Variants in KLHL42 observed in about 807,000 individuals in gnomAD.
KLHL42 encodes the protein kelch like family member 42.
Under a neutral mutation model 32.7 loss-of-function variants are expected in KLHL42, and 27 were observed. That is an observed-to-expected ratio of 0.83 (90% CI 0.61 to 1.14). The LOEUF is 1.14. KLHL42 is among the 50% of genes most tolerant of loss of function. The pLI is 0.00. For missense variants in KLHL42, 491 were observed against 560.8 expected, an observed-to-expected ratio of 0.88 and a Z score of 1.26; for synonymous variants, 267 against 248.2, an observed-to-expected ratio of 1.08 and a Z score of -0.71.
chr12:27,786,719 G>GTT (rs11341444), intron 1 of KLHL42, among the ~76,000 whole-genome samples: 30,187 of 101,162 alleles, frequency 0.3, 5,536 homozygotes, highest in East Asian at 0.65. Context: ...GATTGAAAGA[G>GTT]TTTTTTTTTT....
At position 27,802,308 on chromosome 12, in the gene KLHL42, A is replaced by C. The variant is rs947933998; in HGVS notation, c.*4142A>C. On this transcript the variant is annotated 3_prime_UTR_variant, in exon 3 of 3. Coordinates refer to ENST00000381271, the MANE Select transcript of KLHL42 (RefSeq NM_020782.2). The stretch of plus-strand genomic sequence containing the variant: ...AAGGAGGAGTGAAGCTGGGGAAGTT[A>C]GTATCTAAGAGGGGCAAGCTGATTG... The C allele has an allele frequency of 1.3e-5, 2 of 152,226 alleles. No homozygotes were observed. The highest frequency in any genetic ancestry group is 4.8e-5 in the African/African-American group (2 of 41,458). The allele number at this position is 152,226 out of a possible 1,614,324, so 9.4% of individuals were successfully genotyped here. A position where few individuals can be genotyped will look rare whatever the true frequency, so the allele number is the denominator to read the frequency against.
chr12:27,781,617 A>AT (rs1309012843), intron 1 of KLHL42, among the ~76,000 whole-genome samples: 1 of 152,020 alleles, frequency 6.6e-6, no homozygotes, highest in Non-Finnish European at 1.5e-5. Context: ...ACTTTGGGGG[A>AT]TTTTTTTCTG....
intron 1 of KLHL42, among the ~76,000 whole-genome samples, chr12:27,781,813 A>G (rs2062150400): frequency 6.6e-6 from 1 of 152,184 alleles, no homozygotes; most frequent in Non-Finnish European, 1.5e-5. Context: ...GTGTTCAACT[A>G]CAGAATTGGA....
rs756714915 is a variant in KLHL42 at position 27,798,197 on chromosome 12, G to T, written c.*31G>T. 1 of 747,204 alleles carries T rather than the reference G, an allele frequency of 1.3e-6. No individual in the cohort carries two copies. The highest frequency in any genetic ancestry group is 2.5e-6 in the Non-Finnish European group (1 of 406,004). 46.3% of individuals were successfully genotyped at this position (747,204 alleles called of 1,614,324 possible). The stretch of plus-strand genomic sequence containing the variant: ...TTGAATTGGTAGATGAAAAAAACCT[G>T]GTTCAAGTTTTTTTTAAAATGTGGT... On this transcript the variant is annotated 3_prime_UTR_variant, in exon 3 of 3. Transcript: ENST00000381271.
At position 27,791,688 on chromosome 12, in the gene KLHL42, C is replaced by G. The variant is rs2062197599; in HGVS notation, c.873-20C>G. 1.9e-6 allele frequency: 3 copies of G among 1,597,138 alleles called. No individual in the cohort carries two copies. Among genetic ancestry groups the G allele is most frequent in the Non-Finnish European group, 2.6e-6 (3 of 1,164,810 alleles). On this transcript the variant is annotated intron_variant, in intron 1 of 2. Transcript: ENST00000381271. Reference sequence around the variant, plus strand: ...TGATCAGAAGAACTAACTCTGTGGGCCTTTGTGTCTCTCTTTCAGGTCTAA... The same window carrying G: ...TGATCAGAAGAACTAACTCTGTGGGGCTTTGTGTCTCTCTTTCAGGTCTAA...
Position 27,798,199 on chromosome 12 carries a change from T to A in KLHL42, c.*33T>A, listed in dbSNP as rs919726109. The A allele has an allele frequency of 4.0e-6, 3 of 744,254 alleles. No individual in the cohort carries two copies. Among genetic ancestry groups the A allele is most frequent in the African/African-American group, 3.5e-5 (2 of 57,714 alleles). 46.1% of individuals were successfully genotyped at this position (744,254 alleles called of 1,614,324 possible). On this transcript the variant is annotated 3_prime_UTR_variant, in exon 3 of 3. Coordinates refer to ENST00000381271, the MANE Select transcript of KLHL42 (RefSeq NM_020782.2). Reference sequence around the variant, plus strand: ...GAATTGGTAGATGAAAAAAACCTGGTTCAAGTTTTTTTTAAAATGTGGTGT... The same window carrying A: ...GAATTGGTAGATGAAAAAAACCTGGATCAAGTTTTTTTTAAAATGTGGTGT...
At position 27,780,258 on chromosome 12, in the gene KLHL42, G is replaced by C. The variant is rs2062139133; in HGVS notation, c.-73G>C. ...ATCCCTCGGCGCCCCGCCCGGAACC[G>C]GCGCGCGCGTAGGGGCTGGGAGGCC... On this transcript the variant is annotated 5_prime_UTR_variant, in exon 1 of 3. Transcript: ENST00000381271. The surrounding 1 kb of genome is among the most constrained non-coding windows in gnomAD (Gnocchi z 8.8). 9.5e-6 allele frequency: 13 copies of C among 1,362,996 alleles called. No individual in the cohort carries two copies. The highest frequency in any genetic ancestry group is 9.5e-6 in the Non-Finnish European group (10 of 1,054,562). 84.4% of individuals were successfully genotyped at this position (1,362,996 alleles called of 1,614,324 possible).
intron 1 of KLHL42, among the ~76,000 whole-genome samples, chr12:27,786,850 G>A (rs902146560): frequency 2.0e-5 from 3 of 150,134 alleles, no homozygotes; most frequent in Admixed American, 6.7e-5. Flanking sequence ...AGCCTCCCGA[G>A]TAGCTAGGAC....
At chr12:27,785,228 C>G (rs1331430698) in intron 1 of KLHL42, among the ~76,000 whole-genome samples, 1 of 152,112 alleles carries the variant, frequency 6.6e-6, no homozygotes, top group Non-Finnish European at 1.5e-5. Context: ...GAAATGGGGT[C>G]TTGCTTTGTC....
At chr12:27,794,572 G>A (rs2062210913) in intron 2 of KLHL42, among the ~76,000 whole-genome samples, 1 of 152,108 alleles carries the variant, frequency 6.6e-6, no homozygotes, top group African/African-American at 2.4e-5. Context: ...GCTCATTGCA[G>A]GCTCAACCTC....
chr12:27,797,813 G>T lies in KLHL42; in HGVS notation c.1165G>T (p.Val389Leu). 1 of 776,112 alleles carries T rather than the reference G, an allele frequency of 1.3e-6. No homozygotes were observed. Among genetic ancestry groups the T allele is most frequent in the South Asian group, 1.3e-5 (1 of 74,260 alleles). 48.1% of individuals were successfully genotyped at this position (776,112 alleles called of 1,614,324 possible). ...CATTCGCAAGCAGCAGATGGTGTCT[G>T]TGGAAGAGACCATCTACATCGTGGG... is the stretch of plus-strand genomic sequence containing the variant. ...VHIRKQQMVS[V>L]EETIYIVGGC... Residue 389 changes from valine to leucine, a missense_variant, in exon 3 of 3, where the codon GTG (valine) becomes TTG (leucine). Physicochemically the swap from Val to Leu is conservative, Grantham distance 32 (BLOSUM62 1). This residue lies in a region of KLHL42 where 152 missense variants were observed against 125.9 expected (regional missense o/e 1.21). Transcript: ENST00000381271.
intron 2 of KLHL42, among the ~76,000 whole-genome samples, chr12:27,792,582 G>A (rs1339010742): frequency 6.6e-6 from 1 of 152,138 alleles, no homozygotes; most frequent in Admixed American, 6.5e-5. Context: ...GGAGTGCAGT[G>A]GCGTGATCTC....
intron 2 of KLHL42, chr12:27,797,143 A>C (rs78375502): frequency 0.016 from 6,642 of 414,686 alleles, 359 homozygotes; most frequent in African/African-American, 0.13. Flanking sequence ...ACAAAAAAAA[A>C]ACTGGAAACT....
At position 27,799,745 on chromosome 12, in the gene KLHL42, C is replaced by G. The variant is rs2062236054; in HGVS notation, c.*1579C>G. ...AAATAAGCGTCCAGTTATAAAAAGC[C>G]TATTTGCACAACTTTTTGGGAATAC... On this transcript the variant is annotated 3_prime_UTR_variant, in exon 3 of 3. Transcript: ENST00000381271. The G allele has an allele frequency of 6.5e-6, 1 of 154,698 alleles. No individual in the cohort carries two copies. Among genetic ancestry groups the G allele is most frequent in the African/African-American group, 2.4e-5 (1 of 41,446 alleles). The allele number at this position is 154,698 out of a possible 1,614,324, so 9.6% of individuals were successfully genotyped here.
chr12:27,790,798 A>C (rs1384964623), intron 1 of KLHL42, among the ~76,000 whole-genome samples: 1 of 152,220 alleles, frequency 6.6e-6, no homozygotes, highest in African/African-American at 2.4e-5. Flanking sequence ...TAACCCTAGC[A>C]CTTTGGGAGG....
Position 27,797,859 on chromosome 12 carries a change from G to T in KLHL42, c.1211G>T (p.Gly404Val). ...YIVGGCLHEL[G>V]PNRRSSQSED... ...GTGGGGGGGTGTCTCCACGAGCTGG[G>T]GCCCAACCGCAGGAGCAGCCAGAGC... Residue 404 changes from glycine (G) to valine (V), a missense_variant, in exon 3 of 3, where the codon GGG becomes GTG. Gly to Val is a moderately radical substitution (Grantham distance 109). This residue lies in a region of KLHL42 where 152 missense variants were observed against 125.9 expected (regional missense o/e 1.21). Coordinates refer to ENST00000381271, the MANE Select transcript of KLHL42 (RefSeq NM_020782.2). 1 of 780,192 alleles carries T rather than the reference G, an allele frequency of 1.3e-6. No individual in the cohort carries two copies. Among genetic ancestry groups the T allele is most frequent in the South Asian group, 1.3e-5 (1 of 74,610 alleles). 48.3% of individuals were successfully genotyped at this position (780,192 alleles called of 1,614,324 possible).
intron 2 of KLHL42, among the ~76,000 whole-genome samples, chr12:27,792,644 C>A (rs1287111743): frequency 6.6e-6 from 1 of 152,134 alleles, no homozygotes; most frequent in African/African-American, 2.4e-5. Flanking sequence ...CTGCCTCAGC[C>A]CCCCAAGTAG....
chr12:27,798,194 C>T lies in KLHL42; in HGVS notation c.*28C>T. 1 of 750,658 alleles carries T rather than the reference C, an allele frequency of 1.3e-6. No homozygotes were observed. Among genetic ancestry groups the T allele is most frequent in the Non-Finnish European group, 2.5e-6 (1 of 407,054 alleles). The allele number at this position is 750,658 out of a possible 1,614,324, so 46.5% of individuals were successfully genotyped here. A position where few individuals can be genotyped will look rare whatever the true frequency, so the allele number is the denominator to read the frequency against. ...GAATTGAATTGGTAGATGAAAAAAA[C>T]CTGGTTCAAGTTTTTTTTAAAATGT... On this transcript the variant is annotated 3_prime_UTR_variant, in exon 3 of 3. Coordinates refer to ENST00000381271, the MANE Select transcript of KLHL42 (RefSeq NM_020782.2).
At position 27,802,845 on chromosome 12, in the gene KLHL42, T is replaced by A. The variant is rs1171285521; in HGVS notation, c.*4679T>A. 1.3e-5 allele frequency: 2 copies of A among 152,492 alleles called. No homozygotes were observed. Among genetic ancestry groups the A allele is most frequent in the African/African-American group, 2.4e-5 (1 of 41,462 alleles). The allele number at this position is 152,492 out of a possible 1,614,324, so 9.4% of individuals were successfully genotyped here. A position where few individuals can be genotyped will look rare whatever the true frequency, so the allele number is the denominator to read the frequency against. ...AGTGATAATCTGTAGAATGAATAGT[T>A]ATGTTTTGATATGACTGATACTTTC... On this transcript the variant is annotated 3_prime_UTR_variant, in exon 3 of 3. Transcript: ENST00000381271.
Sources: gnomAD v4.1 joint callset for allele counts (sites outside exome capture counted in the v4.1 genomes callset) on GRCh38, gnomAD v4.1.1 for gene constraint, gnomAD v4.1.1 regional missense constraint, Gnocchi (gnomAD v3.1) non-coding constraint, MANE v1.5 for transcripts, NCBI Gene and HGNC (gene_info 2026-07-23, HGNC 2026-07-21) for gene names.